ANKS1B: variants seen among roughly 807,000 people sequenced by gnomAD.
The protein encoded by ANKS1B is ankyrin repeat and sterile alpha motif domain-containing protein 1B.
A neutral mutation model predicts 148.3 loss-of-function variants in ANKS1B; 36 were observed. That is an observed-to-expected ratio of 0.24 (90% CI 0.19 to 0.32). The LOEUF is 0.32. ANKS1B is among the 10% of genes least tolerant of loss of function. The pLI is 1.00. For synonymous variants in ANKS1B, 542 were observed against 560.8 expected (o/e 0.97, Z 0.47); for missense variants, 1,157 against 1,542.6 (o/e 0.75, Z 4.19).
chr12:99,027,706 C>T (rs1236389846), intron 17 of ANKS1B, among the ~76,000 whole-genome samples: 6 of 152,228 alleles, frequency 3.9e-5, no homozygotes, highest in Admixed American at 3.9e-4. Flanking sequence ...AGAGACATGC[C>T]ATCAGACAGG....
intron 15 of ANKS1B, among the ~76,000 whole-genome samples, chr12:99,092,713 G>C (rs1343993175): frequency 6.6e-6 from 1 of 152,142 alleles, no homozygotes; most frequent in African/African-American, 2.4e-5. Flanking sequence ...GCTCCAAAAG[G>C]AAGGGCTCCT....
At position 99,462,745 on chromosome 12, in the gene ANKS1B, T is replaced by C. The variant is rs551451602; in HGVS notation, c.1439-18936A>G. ...TGTTCCCCACTGTTGGAGATGGGCA[T>C]ACTGGGAGGTGTTTGCATTATGGGA... On this transcript the variant is annotated intron_variant, in intron 10 of 26. Transcript: ENST00000683438. 5.9e-5 allele frequency among the ~76,000 whole-genome samples: 9 copies of C among 152,314 alleles called. No homozygotes were observed. The South Asian group carries it at 1.7e-3, about 28-fold the overall frequency.
intron 17 of ANKS1B, among the ~76,000 whole-genome samples, chr12:99,015,886 A>G (rs2153424985): frequency 6.6e-6 from 1 of 152,138 alleles, no homozygotes; most frequent in Non-Finnish European, 1.5e-5. Context: ...ACAAAAAACA[A>G]ACAAAAAAAC....
intron 16 of ANKS1B, among the ~76,000 whole-genome samples, chr12:99,061,517 G>A (rs2042451598): frequency 6.6e-6 from 1 of 152,204 alleles, no homozygotes; most frequent in African/African-American, 2.4e-5. Flanking sequence ...CACACTTTGA[G>A]TAGTAGTGCT....
At chr12:99,384,298 TA>T (rs1028359830) in intron 12 of ANKS1B, among the ~76,000 whole-genome samples, 13 of 152,174 alleles carry the variant, frequency 8.5e-5, no homozygotes, top group Admixed American at 4.6e-4. Flanking sequence ...ACAAGTTTCC[TA>T]ACCACGGTGA....
chr12:99,650,735 T>G (rs2098413915), intron 9 of ANKS1B, among the ~76,000 whole-genome samples: 1 of 152,150 alleles, frequency 6.6e-6, no homozygotes, highest in African/African-American at 2.4e-5. Flanking sequence ...TTAGTATTCT[T>G]GGAGATAGAA....
chr12:99,183,469 C>A (rs998801153), intron 14 of ANKS1B, among the ~76,000 whole-genome samples: 2 of 152,116 alleles, frequency 1.3e-5, no homozygotes, highest in African/African-American at 4.8e-5. Context: ...TGGTGAAACC[C>A]CATCTCTACT....
intron 24 of ANKS1B, among the ~76,000 whole-genome samples, chr12:98,780,191 G>A (rs2098720338): frequency 6.6e-6 from 1 of 152,134 alleles, no homozygotes; most frequent in Admixed American, 6.5e-5. Context: ...TCTCCAAAAC[G>A]GAGGGGGTCC....
chr12:99,952,470 C>T lies in ANKS1B; in HGVS notation c.134+31634G>A, dbSNP rs549379569. The stretch of plus-strand genomic sequence containing the variant: ...CTAATTTTACCTGTTTCATAGCATC[C>T]GTTCTTGTTTTAAAAGTACAATATC... On this transcript the variant is annotated intron_variant, in intron 1 of 26. Coordinates refer to ENST00000683438, the MANE Select transcript of ANKS1B (RefSeq NM_001352186.2). Among the ~76,000 whole-genome samples, 124 of 152,168 alleles carry T rather than the reference C, an allele frequency of 8.1e-4. 2 individuals carry two copies. Among genetic ancestry groups the T allele is most frequent in the African/African-American group, 2.6e-3 (109 of 41,500 alleles).
chr12:99,848,613 T>A (rs2087126370), intron 1 of ANKS1B, among the ~76,000 whole-genome samples: 1 of 152,178 alleles, frequency 6.6e-6, no homozygotes, highest in South Asian at 2.1e-4. Context: ...AGTGAGGCAC[T>A]TCTTATTAAA....
intron 14 of ANKS1B, among the ~76,000 whole-genome samples, chr12:99,164,410 C>T (rs1015359725): frequency 1.3e-5 from 2 of 151,938 alleles, no homozygotes; most frequent in Non-Finnish European, 2.9e-5. Flanking sequence ...TATTTATTTA[C>T]ATTGTTGTTT....
chr12:99,539,196 G>A (rs1005855211), intron 9 of ANKS1B, among the ~76,000 whole-genome samples: 13 of 151,920 alleles, frequency 8.6e-5, no homozygotes, highest in Middle Eastern at 3.2e-3. Context: ...AAAAAGTGTG[G>A]GTAAAGGTAA....
chr12:99,920,945 A>G (rs1447248896), intron 1 of ANKS1B, among the ~76,000 whole-genome samples: 1 of 152,162 alleles, frequency 6.6e-6, no homozygotes, highest in Non-Finnish European at 1.5e-5. Context: ...CCTAGAAATA[A>G]TGTTTTACCA....
At chr12:99,967,592 T>G (rs182594348) in intron 1 of ANKS1B, among the ~76,000 whole-genome samples, 1 of 152,090 alleles carries the variant, frequency 6.6e-6, no homozygotes, top group East Asian at 1.9e-4. Flanking sequence ...TTCTGCTTCT[T>G]CTTTCACTAT....
intron 1 of ANKS1B, among the ~76,000 whole-genome samples, chr12:99,894,681 A>G (rs1378778998): frequency 6.7e-6 from 1 of 150,232 alleles, no homozygotes; most frequent in Non-Finnish European, 1.5e-5. Context: ...AAGATATTCC[A>G]TACTTTATTA....
chr12:98,894,694 A>G, intron 17 of ANKS1B: 1 of 985,508 alleles, frequency 1.0e-6, no homozygotes, highest in East Asian at 1.1e-4. Flanking sequence ...GCCCCCGAGG[A>G]CGCAGACATG....
At chr12:99,968,946 G>A (rs192764103) in intron 1 of ANKS1B, among the ~76,000 whole-genome samples, 13 of 152,210 alleles carry the variant, frequency 8.5e-5, no homozygotes, top group Non-Finnish European at 1.5e-4. Flanking sequence ...CTCACCTGAA[G>A]CAGATGCCAG....
chr12:98,738,209 G>A (rs897304244), intron 9 of ANKS1B, among the ~76,000 whole-genome samples: 1 of 152,152 alleles, frequency 6.6e-6, no homozygotes, highest in Non-Finnish European at 1.5e-5. Flanking sequence ...CCAGAATTTG[G>A]GAAATTTTCA....
chr12:99,448,397 G>A (rs920517274), intron 10 of ANKS1B, among the ~76,000 whole-genome samples: 6 of 152,010 alleles, frequency 3.9e-5, no homozygotes, highest in East Asian at 1.9e-4. Context: ...AAACAAAGTC[G>A]AACTCACAGA....
Sources: allele counts gnomAD v4.1 joint callset (sites outside exome capture counted in the v4.1 genomes callset), GRCh38; gene constraint gnomAD v4.1.1; transcripts MANE v1.5; gene names NCBI Gene and HGNC (gene_info 2026-07-23, HGNC 2026-07-21).